UGT1A9: variants seen among roughly 807,000 people sequenced by gnomAD.
UGT1A9 encodes the protein UDP glucuronosyltransferase family 1 member A9.
Under a neutral mutation model 45.0 loss-of-function variants are expected in UGT1A9, and 35 were observed. The ratio of observed to expected loss-of-function variants is 0.78; its 90% CI spans 0.59 to 1.03. The LOEUF (loss-of-function observed/expected upper bound fraction) is 1.03, where lower values mean the gene tolerates loss of function less well. Ranked by LOEUF, UGT1A9 falls within the 50% of genes least tolerant of loss-of-function variation. UGT1A9 has a pLI of 0.00. For missense variants in UGT1A9, 687 were observed against 666.6 expected, an observed-to-expected ratio of 1.03 and a Z score of -0.34; for synonymous variants, 278 against 250.6, an observed-to-expected ratio of 1.11 and a Z score of -1.03.
chr2:233,761,873 C>T (rs930936969), intron 1 of UGT1A9, among the ~76,000 whole-genome samples: 2 of 152,192 alleles, frequency 1.3e-5, no homozygotes, highest in South Asian at 2.1e-4. Flanking sequence ...TTTCAGAGAG[C>T]GTTCATTCAC....
At chr2:233,739,371 G>C (rs1691070576) in intron 1 of UGT1A9, among the ~76,000 whole-genome samples, 1 of 152,184 alleles carries the variant, frequency 6.6e-6, no homozygotes. Flanking sequence ...AGCTTGCACT[G>C]TGTGCCTGGA....
chr2:233,728,225 C>T (rs2077691607), intron 1 of UGT1A9, among the ~76,000 whole-genome samples: 1 of 152,206 alleles, frequency 6.6e-6, no homozygotes, highest in Non-Finnish European at 1.5e-5. Flanking sequence ...TGACCATAAT[C>T]TTCAGGATGA....
intron 1 of UGT1A9, chr2:233,691,770 C>T (rs2075056418): frequency 5.4e-6 from 2 of 366,996 alleles, no homozygotes; most frequent in African/African-American, 2.2e-5. Context: ...CTCTAGGATT[C>T]TCACCACGTA....
At chr2:233,695,507 A>G (rs2075293292) in intron 1 of UGT1A9, among the ~76,000 whole-genome samples, 1 of 151,474 alleles carries the variant, frequency 6.6e-6, no homozygotes, top group African/African-American at 2.4e-5. Context: ...TTTTTGGAGT[A>G]TTACAAATTT....
chr2:233,683,154 T>G (rs2074620645), intron 1 of UGT1A9, among the ~76,000 whole-genome samples: 3 of 152,308 alleles, frequency 2.0e-5, no homozygotes, highest in Admixed American at 1.3e-4. Flanking sequence ...TGTTTTCAAT[T>G]TTTTTGAAAT....
chr2:233,695,332 G>A (rs1375562980), intron 1 of UGT1A9, among the ~76,000 whole-genome samples: 1 of 151,752 alleles, frequency 6.6e-6, no homozygotes, highest in African/African-American at 2.4e-5. Flanking sequence ...CACCACGTTG[G>A]CCAGGATGGT....
At chr2:233,698,168 C>T (rs962502449) in intron 1 of UGT1A9, among the ~76,000 whole-genome samples, 2 of 152,148 alleles carry the variant, frequency 1.3e-5, no homozygotes, top group East Asian at 1.9e-4. Context: ...TCCTAGAGAA[C>T]ATTCTGTATT....
chr2:233,733,707 C>G (rs1270578849), intron 1 of UGT1A9, among the ~76,000 whole-genome samples: 1 of 152,160 alleles, frequency 6.6e-6, no homozygotes, highest in Non-Finnish European at 1.5e-5. Context: ...ATTTGGTTTG[C>G]AGAATTTTAC....
intron 1 of UGT1A9, among the ~76,000 whole-genome samples, chr2:233,738,177 G>A (rs1690719124): frequency 1.3e-5 from 2 of 152,158 alleles, no homozygotes; most frequent in Non-Finnish European, 2.9e-5. Context: ...TTTCATGTAA[G>A]ACGTGTCTTT....
chr2:233,678,685 A>AT (rs892538963), intron 1 of UGT1A9, among the ~76,000 whole-genome samples: 4 of 151,930 alleles, frequency 2.6e-5, no homozygotes, highest in Admixed American at 6.6e-5. Flanking sequence ...TGTAAGGCCA[A>AT]TTTTTTTTCT....
At position 233,760,643 on chromosome 2, in the gene UGT1A9, A is replaced by G. The variant is rs534521374; in HGVS notation, c.856-6391A>G. On this transcript the variant is annotated intron_variant, in intron 1 of 4. Coordinates refer to ENST00000354728, the MANE Select transcript of UGT1A9 (RefSeq NM_021027.3). ...AAAACATACAAGAAAATAAAAAAGG[A>G]CTCTGCTATGCTTTTGTCTGGCTGT... 5.0e-6 allele frequency: 8 copies of G among 1,614,148 alleles called. No individual in the cohort carries two copies. The South Asian group carries it at 8.8e-5, about 18-fold the overall frequency.
At chr2:233,732,487 T>A (rs1464258255) in intron 1 of UGT1A9, among the ~76,000 whole-genome samples, 1 of 152,252 alleles carries the variant, frequency 6.6e-6, no homozygotes, top group African/African-American at 2.4e-5. Flanking sequence ...AATTTTTGTA[T>A]AAGGCGTAAG....
At chr2:233,747,788 C>A in intron 1 of UGT1A9, 1 of 1,613,516 alleles carries the variant, frequency 6.2e-7, no homozygotes. Context: ...ATCCTTCCTC[C>A]TATATTCCTA....
At chr2:233,747,365 C>T (rs954513567) in intron 1 of UGT1A9, 1 of 1,604,254 alleles carries the variant, frequency 6.2e-7, no homozygotes, top group Non-Finnish European at 8.5e-7. Context: ...TGCGGGAGCT[C>T]CATGCCAGAG....
intron 1 of UGT1A9, among the ~76,000 whole-genome samples, chr2:233,675,371 G>T (rs2074318701): frequency 6.6e-6 from 1 of 152,196 alleles, no homozygotes; most frequent in Non-Finnish European, 1.5e-5. Flanking sequence ...ATGGCAAAAA[G>T]AGGAGGTCCC....
chr2:233,769,855 C>T lies in UGT1A9; in HGVS notation c.1295+1416C>T. The T allele has an allele frequency of 2.7e-6, 1 of 372,078 alleles. No individual in the cohort carries two copies. The highest frequency in any genetic ancestry group is 4.4e-6 in the Non-Finnish European group (1 of 226,694). The allele number at this position is 372,078 out of a possible 1,614,324, so 23.0% of individuals were successfully genotyped here. On this transcript the variant is annotated intron_variant, in intron 4 of 4. Coordinates refer to ENST00000354728, the MANE Select transcript of UGT1A9 (RefSeq NM_021027.3). The surrounding 1 kb of genome is among the most constrained non-coding windows in gnomAD (Gnocchi z 4.4). ...CCTGGGCAACAGAGTGAGACCCTGT[C>T]TCAAAAAAAAAAAAAAAAATGAAAA...
At chr2:233,751,657 CTGAG>C (rs111702425) in intron 1 of UGT1A9, among the ~76,000 whole-genome samples, 4 of 152,292 alleles carry the variant, frequency 2.6e-5, no homozygotes, top group African/African-American at 9.6e-5. Context: ...TCTCATCCTA[CTGAG>C]TGAGTTCTAA....
chr2:233,718,753 G>T, intron 1 of UGT1A9: 5 of 1,612,362 alleles, frequency 3.1e-6, no homozygotes, highest in Non-Finnish European at 4.2e-6. Flanking sequence ...AGGTAATTAA[G>T]GCGAAGGAAA....
chr2:233,761,975 T>C (rs1697919951), intron 1 of UGT1A9, among the ~76,000 whole-genome samples: 1 of 152,208 alleles, frequency 6.6e-6, no homozygotes, highest in South Asian at 2.1e-4. Flanking sequence ...TGATATCACC[T>C]TCGGAGGTGA....
Sources: allele counts gnomAD v4.1 joint callset (sites outside exome capture counted in the v4.1 genomes callset), GRCh38; gene constraint gnomAD v4.1.1; non-coding constraint Gnocchi (gnomAD v3.1); transcripts MANE v1.5; gene names NCBI Gene and HGNC (gene_info 2026-07-23, HGNC 2026-07-21).